GPR15LG: variants seen among roughly 807,000 people sequenced by gnomAD.
The protein encoded by GPR15LG is protein GPR15LG.
chr10:84,183,737 C>T, the GPR15LG span, among the ~76,000 whole-genome samples: 1 of 152,060 alleles, frequency 6.6e-6, no homozygotes, highest in East Asian at 1.9e-4. Flanking sequence ...GCCTCACCTC[C>T]CAGGCTCAGG....
chr10:84,173,904 C>T, the GPR15LG span: 1 of 1,613,364 alleles, frequency 6.2e-7, no homozygotes, highest in South Asian at 1.1e-5. Context: ...CTCTGCTTCT[C>T]CATCTTCTCC....
At chr10:84,175,871 G>C in the GPR15LG span, among the ~76,000 whole-genome samples, 1 of 149,654 alleles carries the variant, frequency 6.7e-6, no homozygotes, top group Admixed American at 6.7e-5. Flanking sequence ...CTTTATTCAG[G>C]CTTTTTTTCT....
the GPR15LG span, among the ~76,000 whole-genome samples, chr10:84,177,711 T>C: frequency 6.6e-6 from 1 of 151,972 alleles, no homozygotes; most frequent in Non-Finnish European, 1.5e-5. Flanking sequence ...CTCACACACC[T>C]CTTGCTGAAC....
chr10:84,180,354 C>T, the GPR15LG span, among the ~76,000 whole-genome samples: 929 of 152,324 alleles, frequency 6.1e-3, 5 homozygotes, highest in Non-Finnish European at 9.9e-3. Context: ...TAGACAAAAC[C>T]GCCATTGTCA....
the GPR15LG span, chr10:84,176,568 A>G: frequency 6.2e-7 from 1 of 1,612,568 alleles, no homozygotes; most frequent in Non-Finnish European, 8.5e-7. Context: ...CAAACCTGAA[A>G]GGTAAGTACC....
chr10:84,178,031 A>C, the GPR15LG span, among the ~76,000 whole-genome samples: 2 of 151,840 alleles, frequency 1.3e-5, no homozygotes, highest in Admixed American at 6.6e-5. Context: ...ACACAAATAC[A>C]TGCGCACACA....
At chr10:84,179,627 G>T in the GPR15LG span, among the ~76,000 whole-genome samples, 1 of 152,166 alleles carries the variant, frequency 6.6e-6, no homozygotes, top group Non-Finnish European at 1.5e-5. Context: ...ACTCAGAGTT[G>T]CCTAGAGGGT....
the GPR15LG span, chr10:84,173,819 C>T: frequency 1.3e-6 from 2 of 1,527,902 alleles, no homozygotes; most frequent in East Asian, 2.2e-5. Context: ...AGCACAGCTC[C>T]CTTCCCAGGA....
chr10:84,182,117 C>G, the GPR15LG span, among the ~76,000 whole-genome samples: 1 of 152,192 alleles, frequency 6.6e-6, no homozygotes, highest in African/African-American at 2.4e-5. Context: ...TCTCTGCCTT[C>G]AGGAAGGAGC....
the GPR15LG span, chr10:84,184,688 T>C: frequency 6.2e-7 from 1 of 1,614,096 alleles, no homozygotes; most frequent in Non-Finnish European, 8.5e-7. Flanking sequence ...CAGGACATCA[T>C]GTGAGGCTCT....
chr10:84,184,447 A>G, the GPR15LG span, among the ~76,000 whole-genome samples: 1 of 152,136 alleles, frequency 6.6e-6, no homozygotes, highest in Non-Finnish European at 1.5e-5. Flanking sequence ...TCTACCAATC[A>G]ATTAGGTTCC....
the GPR15LG span, among the ~76,000 whole-genome samples, chr10:84,178,323 C>T: frequency 2.0e-5 from 3 of 151,826 alleles, no homozygotes; most frequent in Admixed American, 6.6e-5. Flanking sequence ...CACATACACA[C>T]TACACACAAT....
the GPR15LG span, among the ~76,000 whole-genome samples, chr10:84,182,153 CGTTGAGG>C: frequency 6.6e-6 from 1 of 152,174 alleles, no homozygotes; most frequent in African/African-American, 2.4e-5. Context: ...AAATGTTACC[CGTTGAGG>C]ATATGAGGTT....
chr10:84,176,524 C>A, the GPR15LG span: 1 of 1,614,004 alleles, frequency 6.2e-7, no homozygotes, highest in African/African-American at 1.3e-5. Flanking sequence ...GAGAACCAGG[C>A]TCTGCTGCCA....
At chr10:84,178,212 T>TAC in the GPR15LG span, among the ~76,000 whole-genome samples, 21 of 149,930 alleles carry the variant, frequency 1.4e-4, no homozygotes, top group Admixed American at 2.7e-4. Context: ...ACATGCACTC[T>TAC]ACACACACAC....
the GPR15LG span, chr10:84,185,178 C>A: frequency 2.8e-6 from 2 of 712,370 alleles, no homozygotes; most frequent in Non-Finnish European, 3.5e-6. Context: ...TGGCATTTAA[C>A]TACCAGCATC....
chr10:84,183,249 C>G, the GPR15LG span, among the ~76,000 whole-genome samples: 1 of 152,128 alleles, frequency 6.6e-6, no homozygotes, highest in Non-Finnish European at 1.5e-5. Flanking sequence ...AGGCACCAAG[C>G]ACAGAAAGGT....
chr10:84,178,343 A>C, the GPR15LG span, among the ~76,000 whole-genome samples: 2 of 151,944 alleles, frequency 1.3e-5, no homozygotes, highest in Non-Finnish European at 2.9e-5. Context: ...TCATACACAC[A>C]TAGACACATG....
At chr10:84,184,608 C>A in the GPR15LG span, 2 of 1,438,612 alleles carry the variant, frequency 1.4e-6, no homozygotes, top group South Asian at 1.2e-5. Flanking sequence ...TTTCCTCTCT[C>A]TCCCCACAAC....
Sources: allele counts gnomAD v4.1 joint callset (sites outside exome capture counted in the v4.1 genomes callset), GRCh38; gene constraint gnomAD v4.1.1; transcripts MANE v1.5; gene names NCBI Gene and HGNC (gene_info 2026-07-23, HGNC 2026-07-21).